SOCS7: variants seen among roughly 807,000 people sequenced by gnomAD.
SOCS7 encodes suppressor of cytokine signaling 7, also known as NAP-4.
A neutral mutation model predicts 58.9 loss-of-function variants in SOCS7; 18 were observed. The ratio of observed to expected loss-of-function variants is 0.31; its 90% CI spans 0.21 to 0.45. The LOEUF is 0.45. Among genes scored for constraint, SOCS7 ranks in the 20% least tolerant of loss-of-function variants. The pLI is 1.00. For synonymous variants in SOCS7, 388 were observed against 364.3 expected (o/e 1.06, Z -0.74); for missense variants, 667 against 837.3 (o/e 0.80, Z 2.51).
chr17:38,379,491 A>G (rs2037974747), intron 7 of SOCS7, among the ~76,000 whole-genome samples: 1 of 152,110 alleles, frequency 6.6e-6, no homozygotes, highest in African/African-American at 2.4e-5. Context: ...AAACAAAAAC[A>G]ACAAAAAAGA....
chr17:38,355,832 A>G (rs2037629913), intron 1 of SOCS7, among the ~76,000 whole-genome samples: 1 of 152,154 alleles, frequency 6.6e-6, no homozygotes, highest in Non-Finnish European at 1.5e-5. Flanking sequence ...AAGTGGACCT[A>G]CCTGGATATA....
intron 1 of SOCS7, among the ~76,000 whole-genome samples, 172 bp from the exon 2 acceptor site, chr17:38,361,539 C>T (rs983534180): frequency 1.3e-5 from 2 of 152,184 alleles, no homozygotes; most frequent in African/African-American, 2.4e-5. Flanking sequence ...AAGGAATTGC[C>T]TTAATTATTT....
intron 7 of SOCS7, among the ~76,000 whole-genome samples, chr17:38,378,047 C>G (rs1185532310): frequency 1.3e-5 from 2 of 152,208 alleles, no homozygotes; most frequent in Admixed American, 1.3e-4. Flanking sequence ...CTTTGCTTCT[C>G]TAACCACGTG....
intron 5 of SOCS7, among the ~76,000 whole-genome samples, chr17:38,367,639 G>A (rs2037808828): frequency 6.6e-6 from 1 of 152,236 alleles, no homozygotes; most frequent in African/African-American, 2.4e-5. Flanking sequence ...CTCCCAAAGT[G>A]TTGGGATTAC....
Position 38,404,758 on chromosome 17 carries a change from C to T in SOCS7, c.*5276C>T, listed in dbSNP as rs951981357. 1 of 152,360 alleles carries T rather than the reference C, an allele frequency of 6.6e-6. No homozygotes were observed. Among genetic ancestry groups the T allele is most frequent in the East Asian group, 1.9e-4 (1 of 5,198 alleles). 9.4% of individuals were successfully genotyped at this position (152,360 alleles called of 1,614,324 possible). On this transcript the variant is annotated 3_prime_UTR_variant, in exon 10 of 10. Coordinates refer to ENST00000612932, the MANE Select transcript of SOCS7 (RefSeq NM_014598.4). ...AGCTCAGGTGGAGCAGAAGCCTGCT[C>T]TCACTCCTCCATCTCTGGTGCTCCC...
rs1386425414 is a variant in SOCS7, at chr17:38,352,838, C to A, written c.786C>A (p.Leu262=). The A allele has an allele frequency of 6.4e-7, 1 of 1,572,360 alleles. No homozygotes were observed. The highest frequency in any genetic ancestry group is 2.4e-5 in the East Asian group (1 of 42,376). ...CGCCCCCGCCTCCTCCCGGGCCCCTCCGGCCACTCGCGGGTCCTTCTCGGA... is the reference window on the plus strand; with the variant it reads ...CGCCCCCGCCTCCTCCCGGGCCCCTACGGCCACTCGCGGGTCCTTCTCGGA... ...PPPPPPPPGP[L]RPLAGPSRKG... is the part of the protein sequence containing the mutation. The change falls in exon 1 of 10, where the codon CTC becomes CTA. Residue 262 remains leucine, a synonymous_variant. Coordinates refer to ENST00000612932, the MANE Select transcript of SOCS7 (RefSeq NM_014598.4). This position sits in a 1 kb window ranked among gnomAD's most constrained non-coding sequence, Gnocchi z 5.5.
At chr17:38,376,133 G>T (rs1452516948) in intron 6 of SOCS7, among the ~76,000 whole-genome samples, 2 of 152,202 alleles carry the variant, frequency 1.3e-5, no homozygotes, top group Non-Finnish European at 2.9e-5. Flanking sequence ...ATGTAAGAAA[G>T]ATTAATGAAA....
At chr17:38,364,956 G>A in intron 3 of SOCS7, 100 bp downstream of exon 3, 1 of 838,740 alleles carries the variant, frequency 1.2e-6, no homozygotes, top group Non-Finnish European at 1.9e-6. Context: ...GGTTTCCGAT[G>A]ATGACTCAAT....
intron 6 of SOCS7, among the ~76,000 whole-genome samples, chr17:38,370,755 A>G (rs920103551): frequency 6.6e-6 from 1 of 150,834 alleles, no homozygotes; most frequent in Non-Finnish European, 1.5e-5. Context: ...GGTTCGAGCT[A>G]TTCTCCTGCC....
At chr17:38,373,493 G>A (rs958185618) in intron 6 of SOCS7, among the ~76,000 whole-genome samples, 1 of 152,234 alleles carries the variant, frequency 6.6e-6, no homozygotes, top group Non-Finnish European at 1.5e-5. Flanking sequence ...GCAGGAAGGG[G>A]TAGGCTGACT....
intron 7 of SOCS7, among the ~76,000 whole-genome samples, chr17:38,387,137 A>ATATATATATGTGTGTG (rs2038085493): frequency 4.3e-5 from 5 of 116,744 alleles, no homozygotes; most frequent in African/African-American, 1.9e-4. Context: ...ATGTATGTAT[A>ATATATATATGTGTGTG]TATATATATA....
chr17:38,405,319 G>T lies in SOCS7; in HGVS notation c.*5837G>T, dbSNP rs2144428069. 6.6e-6 allele frequency: 1 copy of T among 152,172 alleles called. No individual in the cohort carries two copies. The highest frequency in any genetic ancestry group is 1.9e-4 in the East Asian group (1 of 5,182). The allele number at this position is 152,172 out of a possible 1,614,324, so 9.4% of individuals were successfully genotyped here. On this transcript the variant is annotated 3_prime_UTR_variant, in exon 10 of 10. Coordinates refer to ENST00000612932, the MANE Select transcript of SOCS7 (RefSeq NM_014598.4). ...TTTTGGTATTTTTCTGGGGATAGAG[G>T]GGGTGGGGTTAGGGATGTCCCTGTA...
intron 1 of SOCS7, among the ~76,000 whole-genome samples, chr17:38,356,897 G>C (rs897371191): frequency 3.3e-5 from 5 of 152,168 alleles, no homozygotes; most frequent in Non-Finnish European, 7.3e-5. Context: ...CCTTCCTTTG[G>C]ATTTGGTGAG....
At chr17:38,393,253 G>A (rs1171412591) in intron 7 of SOCS7, among the ~76,000 whole-genome samples, 1 of 151,950 alleles carries the variant, frequency 6.6e-6, no homozygotes, top group Admixed American at 6.6e-5. Flanking sequence ...TTTTCCCCTG[G>A]AAAGTATGTT....
At chr17:38,361,290 C>G (rs2037716155) in intron 1 of SOCS7, among the ~76,000 whole-genome samples, 1 of 152,240 alleles carries the variant, frequency 6.6e-6, no homozygotes, top group African/African-American at 2.4e-5. Flanking sequence ...TTGGGATGAC[C>G]TATCCTATAG....
Position 38,395,384 on chromosome 17 carries a change from G to T in SOCS7, c.1757G>T (p.Cys586Phe). ...AATGTCAAATCCCTCCAGCACCTTT[G>T]CAGATTCCGGATACGACAGCTCGTC... ...FSNVKSLQHLCRFRIRQLVRI... is the reference protein window; with the variant it reads ...FSNVKSLQHLFRFRIRQLVRI... The change falls in exon 8 of 10, where the codon TGC (cysteine) becomes TTC (phenylalanine). Residue 586 changes from cysteine to phenylalanine, a missense_variant. This residue lies in a region of SOCS7 where 76 missense variants were observed against 194.5 expected (regional missense o/e 0.39). Transcript: ENST00000612932. 6.2e-7 allele frequency: 1 copy of T among 1,614,084 alleles called. No individual in the cohort carries two copies. Among genetic ancestry groups the T allele is most frequent in the Non-Finnish European group, 8.5e-7 (1 of 1,179,996 alleles).
At chr17:38,380,015 T>A (rs1012249728) in intron 7 of SOCS7, among the ~76,000 whole-genome samples, 1 of 152,128 alleles carries the variant, frequency 6.6e-6, no homozygotes, top group Non-Finnish European at 1.5e-5. Flanking sequence ...AAGAGTAGGG[T>A]AGTCAGCTCT....
chr17:38,364,156 G>T (rs1555567945), intron 2 of SOCS7, among the ~76,000 whole-genome samples: 1 of 152,162 alleles, frequency 6.6e-6, no homozygotes, highest in Non-Finnish European at 1.5e-5. Flanking sequence ...ACTATAAATT[G>T]TACTTTCAGC....
chr17:38,405,133 A>G lies in SOCS7; in HGVS notation c.*5651A>G, dbSNP rs574865365. 8 of 152,268 alleles carry G rather than the reference A, an allele frequency of 5.3e-5. No homozygotes were observed. The East Asian group carries it at 1.5e-3, about 29-fold the overall frequency. The allele number at this position is 152,268 out of a possible 1,614,324, so 9.4% of individuals were successfully genotyped here. ...CTTCCTTTTGTGCTTAATTTATTAA[A>G]ATAGTTGCTGTATAATTTATTTTCA... On this transcript the variant is annotated 3_prime_UTR_variant, in exon 10 of 10. Transcript: ENST00000612932.
Sources: gnomAD v4.1 joint callset for allele counts (sites outside exome capture counted in the v4.1 genomes callset) on GRCh38, gnomAD v4.1.1 for gene constraint, gnomAD v4.1.1 regional missense constraint, Gnocchi (gnomAD v3.1) non-coding constraint, MANE v1.5 for transcripts, NCBI Gene and HGNC (gene_info 2026-07-23, HGNC 2026-07-21) for gene names.